The following CDYL variants were observed in gnomAD, a reference collection of about 807,000 sequenced individuals.
CDYL encodes the protein chromodomain Y-like protein.
In CDYL, 8 loss-of-function variants were observed where a neutral mutation model predicts 47.3. That is an observed-to-expected ratio of 0.17 (90% CI 0.10 to 0.31). The LOEUF is 0.31. CDYL is among the 10% of genes least tolerant of loss of function. The pLI, the probability that CDYL is intolerant of heterozygous loss-of-function variation, is 1.00. For missense variants in CDYL, 471 were observed against 701.4 expected (o/e 0.67, Z 3.71); for synonymous variants, 266 against 265.0 (o/e 1.00, Z -0.04).
intron 2 of CDYL, among the ~76,000 whole-genome samples, chr6:4,730,018 A>G (rs1467288238): frequency 6.6e-6 from 1 of 152,172 alleles, no homozygotes; most frequent in Non-Finnish European, 1.5e-5. Flanking sequence ...TATAAGAAAT[A>G]TATTTTTTCT....
intron 2 of CDYL, among the ~76,000 whole-genome samples, chr6:4,724,155 CT>C (rs1206952248): frequency 6.6e-5 from 10 of 152,168 alleles, no homozygotes; most frequent in African/African-American, 2.4e-4. Flanking sequence ...ATTCTCCTGC[CT>C]CAGCTTCCGA....
At chr6:4,851,667 C>T (rs1760833166) in intron 1 of CDYL, among the ~76,000 whole-genome samples, 1 of 152,258 alleles carries the variant, frequency 6.6e-6, no homozygotes, top group Non-Finnish European at 1.5e-5. Flanking sequence ...TTCGCAGACG[C>T]ATTGCATCCA....
At chr6:4,723,113 G>C (rs1757402579) in intron 2 of CDYL, among the ~76,000 whole-genome samples, 1 of 151,908 alleles carries the variant, frequency 6.6e-6, no homozygotes, top group African/African-American at 2.4e-5. Flanking sequence ...AAAATATTTG[G>C]GGGTAAAACT....
At position 4,790,769 on chromosome 6, in the gene CDYL, G is replaced by A. The variant is rs182268677; in HGVS notation, c.24+13962G>A. Among the ~76,000 whole-genome samples, 8 of 152,300 alleles carry A rather than the reference G, an allele frequency of 5.3e-5. 1 individual carries two copies. The East Asian group carries it at 1.5e-3, about 29-fold the overall frequency. On this transcript the variant is annotated intron_variant, in intron 1 of 6. Transcript: ENST00000397588. Reference sequence around the variant, plus strand: ...AGAAAATGAATAAGCTTTGTACGAGGTTAAGCAAATTTGCAGGAAGAATGT... The same window carrying A: ...AGAAAATGAATAAGCTTTGTACGAGATTAAGCAAATTTGCAGGAAGAATGT...
chr6:4,805,586 T>G (rs1759346511), intron 1 of CDYL, among the ~76,000 whole-genome samples: 1 of 152,078 alleles, frequency 6.6e-6, no homozygotes, highest in South Asian at 2.1e-4. Flanking sequence ...AAAGTGGTGG[T>G]GGAGTTCCAG....
chr6:4,748,577 G>C (rs556309883), intron 3 of CDYL, among the ~76,000 whole-genome samples: 12 of 151,880 alleles, frequency 7.9e-5, no homozygotes, highest in African/African-American at 2.9e-4. Flanking sequence ...ATGGACACGG[G>C]GGTAGGGGTA....
chr6:4,945,717 C>T (rs571328413), intron 5 of CDYL, among the ~76,000 whole-genome samples: 30 of 152,248 alleles, frequency 2.0e-4, no homozygotes, highest in Non-Finnish European at 3.8e-4. Flanking sequence ...ATCATGGAGC[C>T]ACCTCCAAAC....
intron 5 of CDYL, among the ~76,000 whole-genome samples, chr6:4,949,621 C>T (rs900486182): frequency 6.6e-6 from 1 of 152,218 alleles, no homozygotes. Flanking sequence ...TGCACTCAGC[C>T]ATCTCAGAGC....
chr6:4,840,396 T>C (rs574275048), intron 1 of CDYL, among the ~76,000 whole-genome samples: 1 of 152,318 alleles, frequency 6.6e-6, no homozygotes, highest in East Asian at 1.9e-4. Flanking sequence ...ATGGCCTTTC[T>C]TTCTTTCTTT....
intron 2 of CDYL, among the ~76,000 whole-genome samples, chr6:4,723,861 A>C (rs1391879433): frequency 6.6e-6 from 1 of 152,262 alleles, no homozygotes; most frequent in East Asian, 1.9e-4. Flanking sequence ...CTGAGTGTTT[A>C]GGTCTAACCG....
intron 3 of CDYL, among the ~76,000 whole-genome samples, chr6:4,748,898 A>G (rs922123535): frequency 6.6e-6 from 1 of 152,212 alleles, no homozygotes; most frequent in Non-Finnish European, 1.5e-5. Flanking sequence ...TTAACAGCAG[A>G]GAAGTAAACA....
chr6:4,941,477 A>G (rs1031411937), intron 4 of CDYL, among the ~76,000 whole-genome samples: 2 of 152,226 alleles, frequency 1.3e-5, no homozygotes, highest in Non-Finnish European at 2.9e-5. Flanking sequence ...CAGAATGGCC[A>G]GTTCCCATTC....
intron 2 of CDYL, among the ~76,000 whole-genome samples, chr6:4,893,080 CGGCCACAGTTTTCTCTTACGA>C (rs1762096643): frequency 6.6e-6 from 1 of 152,222 alleles, no homozygotes; most frequent in Non-Finnish European, 1.5e-5. Context: ...CACACTGTGC[CGGCCACAGTTTTCTCTTACGA>C]GGCCTCATGA....
chr6:4,716,092 CA>C (rs71647224), intron 2 of CDYL, among the ~76,000 whole-genome samples: 38,941 of 151,654 alleles, frequency 0.26, 5,429 homozygotes, highest in African/African-American at 0.35. Flanking sequence ...ACTAAAAATA[CA>C]AAAAAATTAG....
intron 1 of CDYL, among the ~76,000 whole-genome samples, chr6:4,812,782 G>A (rs1244933401): frequency 1.3e-5 from 2 of 151,816 alleles, no homozygotes; most frequent in African/African-American, 2.4e-5. Flanking sequence ...TTGGAGACTA[G>A]GTATGTGAAG....
intron 2 of CDYL, among the ~76,000 whole-genome samples, chr6:4,718,133 G>A (rs1402213608): frequency 6.6e-6 from 1 of 152,034 alleles, no homozygotes; most frequent in Non-Finnish European, 1.5e-5. Flanking sequence ...CACTAGACCA[G>A]GTCCCAGACA....
chr6:4,736,445 AC>A (rs1360339287), intron 3 of CDYL, among the ~76,000 whole-genome samples: 16 of 152,118 alleles, frequency 1.1e-4, no homozygotes, highest in Admixed American at 9.2e-4. Context: ...GATGTTTGCA[AC>A]CTGCCAAGGA....
chr6:4,762,451 T>C (rs573368764), intron 3 of CDYL, among the ~76,000 whole-genome samples: 1 of 151,956 alleles, frequency 6.6e-6, no homozygotes, highest in East Asian at 1.9e-4. Context: ...CTAATATCAA[T>C]AGATACAGCA....
At chr6:4,740,968 G>C (rs1042431315) in intron 3 of CDYL, among the ~76,000 whole-genome samples, 9 of 151,944 alleles carry the variant, frequency 5.9e-5, no homozygotes, top group Non-Finnish European at 1.2e-4. Context: ...TGTATTTTTA[G>C]TAGAGATGGG....
Sources: allele counts gnomAD v4.1 joint callset (sites outside exome capture counted in the v4.1 genomes callset), GRCh38; gene constraint gnomAD v4.1.1; transcripts MANE v1.5; gene names NCBI Gene and HGNC (gene_info 2026-07-23, HGNC 2026-07-21).